Variants in PHYHIPL observed in about 807,000 individuals in gnomAD.
The protein encoded by PHYHIPL is phytanoyl-CoA hydroxylase-interacting protein-like.
A neutral mutation model predicts 33.4 loss-of-function variants in PHYHIPL; 9 were observed. The observed-to-expected ratio is 0.27, with a 90% CI of 0.16 to 0.47. The LOEUF (loss-of-function observed/expected upper bound fraction) is 0.47. Ranked by LOEUF, PHYHIPL falls within the 20% of genes least tolerant of loss-of-function variation. The pLI is 0.99. For synonymous variants in PHYHIPL, 153 were observed against 154.1 expected (o/e 0.99, Z 0.05); for missense variants, 365 against 460.7 (o/e 0.79, Z 1.90).
At chr10:59,188,097 G>C (rs1020442708) in intron 1 of PHYHIPL, among the ~76,000 whole-genome samples, 1 of 151,282 alleles carries the variant, frequency 6.6e-6, no homozygotes, top group Non-Finnish European at 1.5e-5. Flanking sequence ...TCTCTTGTGG[G>C]CATTTAGTGC....
At chr10:59,185,552 A>G (rs1245363444) in intron 1 of PHYHIPL, among the ~76,000 whole-genome samples, 2 of 152,198 alleles carry the variant, frequency 1.3e-5, no homozygotes, top group African/African-American at 2.4e-5. Flanking sequence ...TGACTTCCAC[A>G]ATGGTTGAAC....
In PHYHIPL at chr10:59,224,490, CAAA is replaced by C. The variant is rs776952787; in HGVS notation, c.107-9812_107-9810del. On this transcript the variant is annotated intron_variant, in intron 1 of 4. Transcript: ENST00000373880. The stretch of plus-strand genomic sequence containing the variant: ...CAAAACAAAACAAAACAAAACAAAA[CAAA>C]ACAAAAAACAAAACAAAAAACAAAA... 8.1e-3 allele frequency among the ~76,000 whole-genome samples: 1,199 copies of C among 148,750 alleles called. 10 individuals are homozygous for C. The highest frequency in any genetic ancestry group is 0.026 in the African/African-American group (1,064 of 40,324).
intron 1 of PHYHIPL, among the ~76,000 whole-genome samples, chr10:59,184,984 ATT>A (rs34336392): frequency 0.036 from 3,324 of 91,842 alleles, 58 homozygotes; most frequent in African/African-American, 0.13. Context: ...TGAACTCATC[ATT>A]TTTTTTTTTT....
At position 59,176,954 on chromosome 10, in the gene PHYHIPL, G is replaced by A; in HGVS notation, c.101G>A (p.Arg34Gln). Reference protein sequence around the residue: ...LSLEAIQLCDRDGNKSQDSGI... With the variant: ...LSLEAIQLCDQDGNKSQDSGI... ...CTGGAGGCCATTCAGCTGTGCGACC[G>A]GGACGGTAAGAGCGGCCGGGACCGC... is the stretch of plus-strand genomic sequence containing the variant. Residue 34 changes from arginine to glutamine, a missense_variant, in exon 1 of 5, where the codon CGG becomes CAG. Around this residue, in one of 4 missense-constraint regions of PHYHIPL, gnomAD observed 89 missense variants for 78.3 expected, o/e 1.14. Coordinates refer to ENST00000373880, the MANE Select transcript of PHYHIPL (RefSeq NM_032439.4). 2 of 1,612,918 alleles carry A rather than the reference G, an allele frequency of 1.2e-6. No homozygotes were observed. Among genetic ancestry groups the A allele is most frequent in the Non-Finnish European group, 1.7e-6 (2 of 1,179,604 alleles).
At chr10:59,185,084 A>G (rs184650209) in intron 1 of PHYHIPL, among the ~76,000 whole-genome samples, 7,267 of 135,428 alleles carry the variant, frequency 0.054, 477 homozygotes, top group African/African-American at 0.17. Flanking sequence ...TCCGCCTCCC[A>G]GGTTCACGCC....
chr10:59,175,759 T>C (rs912036567), upstream of PHYHIPL, among the ~76,000 whole-genome samples: 5 of 152,246 alleles, frequency 3.3e-5, no homozygotes, highest in Admixed American at 2.0e-4. Flanking sequence ...TTAGCTATTG[T>C]AGCAAAGATT....
At chr10:59,204,786 T>G (rs911377254) in intron 1 of PHYHIPL, among the ~76,000 whole-genome samples, 1 of 152,170 alleles carries the variant, frequency 6.6e-6, no homozygotes, top group Non-Finnish European at 1.5e-5. Context: ...TATTCATGTG[T>G]TTATCATTCA....
chr10:59,226,030 A>C (rs1839913244), intron 1 of PHYHIPL, among the ~76,000 whole-genome samples: 1 of 152,112 alleles, frequency 6.6e-6, no homozygotes, highest in Non-Finnish European at 1.5e-5. Context: ...AGTAAAACTA[A>C]ATTTTATAGA....
intron 1 of PHYHIPL, among the ~76,000 whole-genome samples, chr10:59,190,606 G>A (rs1198059724): frequency 4.0e-5 from 6 of 151,776 alleles, no homozygotes; most frequent in Non-Finnish European, 8.9e-5. Context: ...TTTCATTTCT[G>A]AAAATTTATT....
chr10:59,174,543 GTA>G (rs987320491), upstream of PHYHIPL, among the ~76,000 whole-genome samples: 6 of 152,088 alleles, frequency 3.9e-5, no homozygotes, highest in African/African-American at 1.4e-4. Flanking sequence ...TATTTCTTTT[GTA>G]TTTTTTATAC....
At chr10:59,192,022 T>TA (rs1166014080) in intron 1 of PHYHIPL, among the ~76,000 whole-genome samples, 1 of 152,062 alleles carries the variant, frequency 6.6e-6, no homozygotes, top group Non-Finnish European at 1.5e-5. Context: ...TGCATTCAAA[T>TA]ACATAATGTC....
intron 1 of PHYHIPL, among the ~76,000 whole-genome samples, chr10:59,208,100 G>T (rs942139991): frequency 6.6e-6 from 1 of 152,124 alleles, no homozygotes; most frequent in Non-Finnish European, 1.5e-5. Context: ...CCTCAAGTGG[G>T]TCCCTGACCC....
At chr10:59,240,999 A>G (rs1449548583) in intron 4 of PHYHIPL, among the ~76,000 whole-genome samples, 1 of 152,226 alleles carries the variant, frequency 6.6e-6, no homozygotes, top group East Asian at 1.9e-4. Flanking sequence ...CTAACAAGAA[A>G]ATTTACCTTT....
At chr10:59,233,809 G>GTT (rs1025675654) in intron 1 of PHYHIPL, among the ~76,000 whole-genome samples, 3 of 151,718 alleles carry the variant, frequency 2.0e-5, no homozygotes, top group African/African-American at 7.2e-5. Context: ...ATAGTAACTT[G>GTT]TAAGTGAACG....
At chr10:59,194,248 A>C (rs1276704146) in intron 1 of PHYHIPL, among the ~76,000 whole-genome samples, 1 of 151,694 alleles carries the variant, frequency 6.6e-6, no homozygotes, top group Non-Finnish European at 1.5e-5. Context: ...CACCCAGCTA[A>C]TTTTTTTGTA....
intron 1 of PHYHIPL, among the ~76,000 whole-genome samples, chr10:59,220,989 C>T (rs1351077315): frequency 6.6e-6 from 1 of 151,954 alleles, no homozygotes; most frequent in African/African-American, 2.4e-5. Flanking sequence ...TACTAAACAG[C>T]TTTGATCCAA....
chr10:59,231,221 G>C (rs889165940), intron 1 of PHYHIPL, among the ~76,000 whole-genome samples: 1 of 151,970 alleles, frequency 6.6e-6, no homozygotes, highest in Non-Finnish European at 1.5e-5. Flanking sequence ...ACATAAATAT[G>C]ATACATTTGA....
chr10:59,214,847 CA>C (rs1839568100), intron 1 of PHYHIPL, among the ~76,000 whole-genome samples: 1 of 151,838 alleles, frequency 6.6e-6, no homozygotes, highest in Non-Finnish European at 1.5e-5. Context: ...TATTTTCTGC[CA>C]AAAACAACCA....
intron 1 of PHYHIPL, among the ~76,000 whole-genome samples, chr10:59,219,459 C>T (rs1198919365): frequency 2.6e-5 from 4 of 152,060 alleles, no homozygotes; most frequent in Non-Finnish European, 5.9e-5. Flanking sequence ...GTTCATGAAG[C>T]TGCTTTATTT....
Sources: allele counts gnomAD v4.1 joint callset (sites outside exome capture counted in the v4.1 genomes callset), GRCh38; gene constraint gnomAD v4.1.1; regional missense constraint gnomAD v4.1.1; transcripts MANE v1.5; gene names NCBI Gene and HGNC (gene_info 2026-07-23, HGNC 2026-07-21).